The following PPP2R1B variants were observed in gnomAD, a reference collection of about 807,000 sequenced individuals.
PPP2R1B encodes protein phosphatase 2 scaffold subunit Abeta.
In PPP2R1B, 58 loss-of-function variants were observed where a neutral mutation model predicts 72.7. The ratio of observed to expected loss-of-function variants is 0.80; its 90% CI spans 0.65 to 0.99. The LOEUF is 0.99. PPP2R1B is among the 50% of genes least tolerant of loss of function. The pLI is 0.00. For synonymous variants in PPP2R1B, 256 were observed against 264.6 expected (o/e 0.97, Z 0.32); for missense variants, 695 against 733.6 (o/e 0.95, Z 0.61).
rs1190482729 is a variant in PPP2R1B, at chr11:111,755,072, T to G, written c.866A>C (p.Lys289Thr). The change falls in exon 7 of 15, where the codon AAA becomes ACA. Residue 289 changes from lysine (K) to threonine (T), a missense_variant. By Grantham distance (78) the Lys-to-Thr change is moderately conservative. Coordinates refer to ENST00000527614, the MANE Select transcript of PPP2R1B (RefSeq NM_002716.5). ...FSELQKAMGP[K>T]ITLNDLIPAF... ...GGGGATGAGGTCATTTAGGGTGATT[T>G]TAGGACCCATGGCTTTCTGGAGCTA... The G allele has an allele frequency of 1.2e-6, 2 of 1,613,040 alleles. No homozygotes were observed. The highest frequency in any genetic ancestry group is 2.7e-5 in the African/African-American group (2 of 74,882).
chr11:111,705,228 T>G, the PPP2R1B span: 1 of 1,332,394 alleles, frequency 7.5e-7, no homozygotes, highest in Non-Finnish European at 9.8e-7. This position sits in a 1 kb window ranked among gnomAD's most constrained non-coding sequence, Gnocchi z 4.3. Context: ...GGGTTAGGAT[T>G]TCATCCTCTA....
the PPP2R1B span, among the ~76,000 whole-genome samples, chr11:111,698,942 C>T: frequency 6.6e-6 from 1 of 152,180 alleles, no homozygotes; most frequent in African/African-American, 2.4e-5. Flanking sequence ...GTCCTTGACT[C>T]ATGAGAACAT....
At chr11:111,698,173 T>C in the PPP2R1B span, among the ~76,000 whole-genome samples, 5 of 152,168 alleles carry the variant, frequency 3.3e-5, no homozygotes. Flanking sequence ...AAAATAGAAA[T>C]AACTGCTTAG....
downstream of PPP2R1B, among the ~76,000 whole-genome samples, chr11:111,736,252 A>C (rs1467834558): frequency 2.0e-5 from 3 of 152,190 alleles, no homozygotes; most frequent in Non-Finnish European, 2.9e-5. Flanking sequence ...CGGCTAGCAG[A>C]GGCAGCCCGG....
chr11:111,726,903 C>A (rs894647378), downstream of PPP2R1B: 3 of 1,538,524 alleles, frequency 1.9e-6, no homozygotes, highest in Non-Finnish European at 2.7e-6. Context: ...AAATTTCGTT[C>A]GGCAAAAAGT....
intron 5 of PPP2R1B, among the ~76,000 whole-genome samples, chr11:111,758,643 C>T (rs1043789951): frequency 6.6e-6 from 1 of 151,860 alleles, no homozygotes; most frequent in African/African-American, 2.4e-5. Context: ...GCTGCGCTTA[C>T]CATAAAAGTC....
chr11:111,733,451 G>A (rs1264138236), downstream of PPP2R1B, among the ~76,000 whole-genome samples: 1 of 152,192 alleles, frequency 6.6e-6, no homozygotes, highest in Non-Finnish European at 1.5e-5. Context: ...TGAGGCATTA[G>A]GGATTGAGCT....
intron 3 of PPP2R1B, among the ~76,000 whole-genome samples, chr11:111,761,746 GTCAGGAGC>G (rs1261376249): frequency 6.6e-6 from 1 of 152,164 alleles, no homozygotes; most frequent in Non-Finnish European, 1.5e-5. Flanking sequence ...ATCACTTGAG[GTCAGGAGC>G]TCGAGACCAG....
At position 111,753,549 on chromosome 11, in the gene PPP2R1B, A is replaced by G; in HGVS notation, c.1058T>C (p.Val353Ala). Reference protein sequence around the residue: ...KELVSDTNQHVKSALASVIMG... With the variant: ...KELVSDTNQHAKSALASVIMG... Reference sequence around the variant, plus strand: ...AATTACAGAAGCTAGAGCCGATTTGACATGTTGATTGGTATCGGATACTAA... The same window carrying G: ...AATTACAGAAGCTAGAGCCGATTTGGCATGTTGATTGGTATCGGATACTAA... Residue 353 changes from valine (V) to alanine (A), a missense_variant, in exon 9 of 15, where the codon GTC becomes GCC. Val to Ala is a moderately conservative substitution (Grantham distance 64). Coordinates refer to ENST00000527614, the MANE Select transcript of PPP2R1B (RefSeq NM_002716.5). 6.2e-7 allele frequency: 1 copy of G among 1,612,244 alleles called. No individual in the cohort carries two copies. The highest frequency in any genetic ancestry group is 2.2e-5 in the East Asian group (1 of 44,870).
the PPP2R1B span, among the ~76,000 whole-genome samples, chr11:111,721,498 A>T: frequency 1.3e-5 from 2 of 152,166 alleles, no homozygotes; most frequent in East Asian, 3.8e-4. Context: ...TACAATAAAT[A>T]CTGCTACTTA....
In PPP2R1B at chr11:111,740,813, A is replaced by G. The variant is rs1944491954; in HGVS notation, c.*783T>C. ...ATTCGAAATACAGAACTGCAATCTCACAATGAAACAAACATACTGCTTATT... is the reference window on the plus strand; with the variant it reads ...ATTCGAAATACAGAACTGCAATCTCGCAATGAAACAAACATACTGCTTATT... On this transcript the variant is annotated 3_prime_UTR_variant, in exon 15 of 15. Transcript: ENST00000527614. The G allele has an allele frequency of 4.1e-6, 4 of 984,860 alleles. No homozygotes were observed. The highest frequency in any genetic ancestry group is 4.8e-6 in the Non-Finnish European group (4 of 829,410). 61.0% of individuals were successfully genotyped at this position (984,860 alleles called of 1,614,324 possible).
At chr11:111,765,855 G>A (rs1555052900) in intron 1 of PPP2R1B, 8 of 481,406 alleles carry the variant, frequency 1.7e-5, no homozygotes, top group Non-Finnish European at 8.2e-6. Context: ...ACTTCAAAGG[G>A]CTTCTGGGCA....
At chr11:111,733,839 A>G (rs1944265185), downstream of PPP2R1B, among the ~76,000 whole-genome samples, 4 of 152,154 alleles carry the variant, frequency 2.6e-5, no homozygotes, top group Admixed American at 2.6e-4. Flanking sequence ...GGAACCAGGG[A>G]TGAGAGGGCC....
chr11:111,711,141 C>T, the PPP2R1B span, among the ~76,000 whole-genome samples: 7 of 147,022 alleles, frequency 4.8e-5, no homozygotes, highest in African/African-American at 1.5e-4. Flanking sequence ...TTTTTTGAGA[C>T]GGAGTCTTGC....
At chr11:111,742,030 A>C (rs1164692778) in intron 14 of PPP2R1B, 23 bp downstream of exon 14, 1 of 1,578,826 alleles carries the variant, frequency 6.3e-7, no homozygotes, top group Non-Finnish European at 8.7e-7. Context: ...ATAAGCTGCA[A>C]GGCAAAAGAA....
intron 3 of PPP2R1B, 106 bp from the exon 4 acceptor site, chr11:111,761,157 G>T: frequency 1.1e-6 from 1 of 945,236 alleles, no homozygotes; most frequent in Non-Finnish European, 1.6e-6. Flanking sequence ...CACGTAACCA[G>T]AATGTTAGCT....
chr11:111,741,973 A>T, intron 14 of PPP2R1B, 80 bp downstream of exon 14: 1 of 1,193,174 alleles, frequency 8.4e-7, no homozygotes, highest in Non-Finnish European at 1.3e-6. Flanking sequence ...CATCCTACCC[A>T]CTTAACACCT....
rs1171046991 is a variant in PPP2R1B, at chr11:111,764,792, T to C, written c.306+13A>G. On this transcript the variant is annotated intron_variant, in intron 3 of 14. Transcript: ENST00000527614. The stretch of plus-strand genomic sequence containing the variant: ...AGTTGTAGAAGGAGGGTAGGCAGCT[T>C]ATAAATACTCACCAGCAGACAGTGG... 4.3e-6 allele frequency: 7 copies of C among 1,613,212 alleles called. No individual in the cohort carries two copies. Among genetic ancestry groups the C allele is most frequent in the Non-Finnish European group, 5.9e-6 (7 of 1,179,632 alleles).
chr11:111,699,059 T>A, the PPP2R1B span, among the ~76,000 whole-genome samples: 1 of 152,230 alleles, frequency 6.6e-6, no homozygotes, highest in Non-Finnish European at 1.5e-5. Flanking sequence ...TGAGATATGA[T>A]GTTCTAGGAG....
Sources: allele counts gnomAD v4.1 joint callset (sites outside exome capture counted in the v4.1 genomes callset), GRCh38; gene constraint gnomAD v4.1.1; non-coding constraint Gnocchi (gnomAD v3.1); transcripts MANE v1.5; gene names NCBI Gene and HGNC (gene_info 2026-07-23, HGNC 2026-07-21).